Variants in PKHD1L1 observed in about 807,000 individuals in gnomAD.
PKHD1L1 encodes fibrocystin-L.
In PKHD1L1, 434 loss-of-function variants were observed where a neutral mutation model predicts 462.9. The ratio of observed to expected loss-of-function variants is 0.94; its 90% CI spans 0.87 to 1.02. The LOEUF is 1.02. PKHD1L1 is among the 50% of genes least tolerant of loss of function. The pLI, the probability that PKHD1L1 is intolerant of heterozygous loss-of-function variation, is 0.00. For synonymous variants in PKHD1L1, 1,781 were observed against 1,750.0 expected (o/e 1.02, Z -0.44); for missense variants, 5,202 against 5,096.1 (o/e 1.02, Z -0.63).
At chr8:109,492,717 G>A (rs1818895678) in intron 62 of PKHD1L1, among the ~76,000 whole-genome samples, 1 of 151,604 alleles carries the variant, frequency 6.6e-6, no homozygotes, top group South Asian at 2.1e-4. Flanking sequence ...GGCTTTTGAA[G>A]GAAAAAGTAC....
intron 67 of PKHD1L1, among the ~76,000 whole-genome samples, chr8:109,504,093 C>A (rs1202177173): frequency 6.6e-6 from 1 of 152,156 alleles, no homozygotes; most frequent in African/African-American, 2.4e-5. Flanking sequence ...TTGGCCAAAC[C>A]AAGTTACATG....
intron 2 of PKHD1L1, 108 bp from the exon 3 acceptor site, chr8:109,381,262 G>C (rs1239898867): frequency 1.0e-6 from 1 of 952,786 alleles, no homozygotes; most frequent in Non-Finnish European, 1.6e-6. Context: ...CACTGCTTCA[G>C]TAATGTTTAT....
chr8:109,372,923 AT>A (rs1184576278), intron 2 of PKHD1L1, among the ~76,000 whole-genome samples: 1 of 152,002 alleles, frequency 6.6e-6, no homozygotes, highest in Non-Finnish European at 1.5e-5. Flanking sequence ...TTTATTGAGG[AT>A]TTTTGCATCA....
At chr8:109,374,456 T>C (rs1811696987) in intron 2 of PKHD1L1, among the ~76,000 whole-genome samples, 1 of 152,228 alleles carries the variant, frequency 6.6e-6, no homozygotes, top group South Asian at 2.1e-4. Flanking sequence ...CTTTATCCAA[T>C]TTGCCAGTCT....
chr8:109,470,766 CTG>C (rs765734895), intron 50 of PKHD1L1: 3 of 1,537,580 alleles, frequency 2.0e-6, no homozygotes, highest in Non-Finnish European at 2.7e-6. Flanking sequence ...GTAGGGAGGA[CTG>C]TTTTTTCATA....
intron 17 of PKHD1L1, 68 bp from the exon 18 acceptor site, chr8:109,407,981 T>C: frequency 9.5e-7 from 1 of 1,050,312 alleles, no homozygotes; most frequent in Non-Finnish European, 1.2e-6. Context: ...ATATATAAAA[T>C]ATATAGTTTT....
At chr8:109,502,349 T>C (rs987471669) in intron 67 of PKHD1L1, among the ~76,000 whole-genome samples, 14 of 152,108 alleles carry the variant, frequency 9.2e-5, no homozygotes, top group African/African-American at 3.4e-4. Context: ...AAGATAAGAT[T>C]TGTCTTGTAA....
At chr8:109,456,585 A>T (rs1816839861) in intron 46 of PKHD1L1, among the ~76,000 whole-genome samples, 194 bp downstream of exon 46, 1 of 152,206 alleles carries the variant, frequency 6.6e-6, no homozygotes, top group Admixed American at 6.5e-5. Context: ...ATTATAATTG[A>T]TAGATTTACA....
intron 2 of PKHD1L1, among the ~76,000 whole-genome samples, chr8:109,365,659 C>T (rs1241876726): frequency 6.6e-6 from 1 of 152,068 alleles, no homozygotes; most frequent in Non-Finnish European, 1.5e-5. Flanking sequence ...AATTTAAATG[C>T]CGCGAGAGAA....
rs1349055785 is a variant in PKHD1L1, at chr8:109,518,467, T to C, written c.11990T>C (p.Ile3997Thr). ...RSMGFIIEIE[I>T]GDPPIQFISN... ...ATGGGATTCATAATTGAAATAGAGA[T>C]TGGAGACCCTCCTATTCAGTTCATA... Residue 3997 changes from isoleucine to threonine, a missense_variant, in exon 73 of 78, where the codon ATT becomes ACT. Around this residue, in one of 3 missense-constraint regions of PKHD1L1, gnomAD observed 698 missense variants for 736.3 expected, o/e 0.95. Transcript: ENST00000378402. The C allele has an allele frequency of 6.2e-7, 1 of 1,606,746 alleles. No homozygotes were observed. The highest frequency in any genetic ancestry group is 8.5e-7 in the Non-Finnish European group (1 of 1,179,366).
chr8:109,429,904 C>G, intron 26 of PKHD1L1, 28 bp from the exon 27 acceptor site: 4 of 1,482,596 alleles, frequency 2.7e-6, no homozygotes, highest in Non-Finnish European at 3.8e-6. Flanking sequence ...TGCCCATGTT[C>G]TGTAGCTTCT....
chr8:109,475,202 A>G lies in PKHD1L1; in HGVS notation c.8690A>G (p.Asn2897Ser). The G allele has an allele frequency of 6.2e-7, 1 of 1,612,618 alleles. No homozygotes were observed. Among genetic ancestry groups the G allele is most frequent in the Non-Finnish European group, 8.5e-7 (1 of 1,179,124 alleles). ...MALIPNANHI[N>S]WYFKGVDHIT... ...CTGATTCCAAATGCAAATCACATTA[A>G]CTGGTATTTTAAAGGTGTGGATCAC... Residue 2897 changes from asparagine (N) to serine (S), a missense_variant, in exon 51 of 78, where the codon AAC (asparagine) becomes AGC (serine). Asn to Ser is a conservative substitution (Grantham distance 46, BLOSUM62 1). Around this residue, in one of 3 missense-constraint regions of PKHD1L1, gnomAD observed 4,497 missense variants for 4,336.8 expected, o/e 1.04. Coordinates refer to ENST00000378402, the MANE Select transcript of PKHD1L1 (RefSeq NM_177531.6).
chr8:109,521,393 T>G (rs1434509539), intron 73 of PKHD1L1, among the ~76,000 whole-genome samples: 1 of 152,180 alleles, frequency 6.6e-6, no homozygotes, highest in Non-Finnish European at 1.5e-5. Context: ...TCAGTCTGAC[T>G]CCAGAGGCCA....
At chr8:109,498,596 GT>G (rs1160374238) in intron 66 of PKHD1L1, 23 bp downstream of exon 66, 5 of 1,609,866 alleles carry the variant, frequency 3.1e-6, no homozygotes, top group Non-Finnish European at 3.4e-6. Flanking sequence ...AAACTTTAAT[GT>G]TGTTGTTCAT....
At chr8:109,504,250 T>C (rs371051761) in intron 67 of PKHD1L1, 77 bp from the exon 68 acceptor site, 6 of 915,246 alleles carry the variant, frequency 6.6e-6, no homozygotes, top group Middle Eastern at 3.6e-4. Context: ...AAGATGTGTT[T>C]GGCAGAATGT....
chr8:109,526,813 G>C lies in PKHD1L1; in HGVS notation c.12514G>C (p.Asp4172His), dbSNP rs753071931. 3.2e-6 allele frequency: 5 copies of C among 1,559,302 alleles called. No homozygotes were observed. The highest frequency in any genetic ancestry group is 4.3e-6 in the Non-Finnish European group (5 of 1,150,998). ...GKNYKIEFIL[D>H]NVVGVESRTF... ...AAATTATAAGATTGAATTTATACTG[G>C]ATAATGTTGTTGGGGTAGAATCCAG... Residue 4172 changes from aspartate to histidine, a missense_variant, in exon 77 of 78, where the codon GAT (aspartate) becomes CAT (histidine). Coordinates refer to ENST00000378402, the MANE Select transcript of PKHD1L1 (RefSeq NM_177531.6).
chr8:109,431,914 G>T (rs765077237), intron 27 of PKHD1L1, among the ~76,000 whole-genome samples: 10 of 152,026 alleles, frequency 6.6e-5, no homozygotes, highest in Non-Finnish European at 1.5e-4. Context: ...CTCCCAAGTG[G>T]CTATACTACC....
At position 109,513,946 on chromosome 8, in the gene PKHD1L1, C is replaced by T. The variant is rs74727399; in HGVS notation, c.11554-1224C>T. On this transcript the variant is annotated intron_variant, in intron 71 of 77. Coordinates refer to ENST00000378402, the MANE Select transcript of PKHD1L1 (RefSeq NM_177531.6). ...TGTTCTCAACTTAGTAGCCAGATACCGTGAAAATATGTCAGATCACGTCTC... is the reference window on the plus strand; with the variant it reads ...TGTTCTCAACTTAGTAGCCAGATACTGTGAAAATATGTCAGATCACGTCTC... Among the ~76,000 whole-genome samples the T allele has an allele frequency of 4.6e-5, 7 of 152,146 alleles. No homozygotes were observed. The South Asian group carries it at 6.2e-4, about 14-fold the overall frequency.
intron 1 of PKHD1L1, 68 bp from the exon 2 acceptor site, chr8:109,364,479 A>G: frequency 9.2e-7 from 1 of 1,081,876 alleles, no homozygotes; most frequent in Admixed American, 2.3e-5. Context: ...GGTATGTGTT[A>G]CAAATTTTGA....
Sources: allele counts gnomAD v4.1 joint callset (sites outside exome capture counted in the v4.1 genomes callset), GRCh38; gene constraint gnomAD v4.1.1; regional missense constraint gnomAD v4.1.1; transcripts MANE v1.5; gene names NCBI Gene and HGNC (gene_info 2026-07-23, HGNC 2026-07-21).